Variants in TBC1D31 observed in about 807,000 individuals in gnomAD.
TBC1D31 encodes WD repeat domain 67.
TBC1D31 carries 99 observed loss-of-function variants against 132.9 expected under a neutral mutation model. The observed-to-expected ratio is 0.74, with a 90% CI of 0.63 to 0.88. TBC1D31 has a LOEUF of 0.88. TBC1D31 is among the 40% of genes least tolerant of loss of function. The pLI, the probability that TBC1D31 is intolerant of heterozygous loss-of-function variation, is 0.00. For synonymous variants in TBC1D31, 385 were observed against 419.4 expected (o/e 0.92, Z 1.00); for missense variants, 1,134 against 1,256.6 (o/e 0.90, Z 1.48).
Position 123,150,106 on chromosome 8 carries a change from T to G in TBC1D31, c.3045T>G (p.Ser1015=), listed in dbSNP as rs1259264453. The change falls in exon 21 of 22, where the codon TCT becomes TCG. Residue 1015 remains serine (S), a synonymous_variant. Transcript: ENST00000287380. Reference sequence around the variant, plus strand: ...GAACCTCACAATTAAATGACTCTTCTGAAATGGATCCCTCAACACAGAGTA... The same window carrying G: ...GAACCTCACAATTAAATGACTCTTCGGAAATGGATCCCTCAACACAGAGTA... ...LPRTSQLNDS[S]EMDPSTQISL... 1 of 1,613,456 alleles carries G rather than the reference T, an allele frequency of 6.2e-7. No individual in the cohort carries two copies. The highest frequency in any genetic ancestry group is 1.3e-5 in the African/African-American group (1 of 74,914).
chr8:123,102,543 C>G (rs1817543604), intron 7 of TBC1D31: 1 of 296,156 alleles, frequency 3.4e-6, no homozygotes, highest in Non-Finnish European at 6.6e-6. Context: ...AATTTCTTTT[C>G]TATGTGTGTA....
At chr8:123,137,347 AC>A (rs74711806) in intron 17 of TBC1D31, among the ~76,000 whole-genome samples, 1 of 152,200 alleles carries the variant, frequency 6.6e-6, no homozygotes, top group East Asian at 1.9e-4. Flanking sequence ...CCCCAAGACC[AC>A]CCTCAGGTTC....
intron 13 of TBC1D31, chr8:123,127,937 C>A: frequency 6.0e-6 from 1 of 165,496 alleles, no homozygotes; most frequent in Non-Finnish European, 1.3e-5. Context: ...TTTAAAGAAG[C>A]AAGCTAATTT....
chr8:123,161,210 G>A, the TBC1D31 span, among the ~76,000 whole-genome samples: 1 of 152,226 alleles, frequency 6.6e-6, no homozygotes, highest in Non-Finnish European at 1.5e-5. Context: ...GCAGCTCTAG[G>A]CCTGATGTGT....
the TBC1D31 span, among the ~76,000 whole-genome samples, chr8:123,163,791 G>A: frequency 6.6e-6 from 1 of 152,212 alleles, no homozygotes; most frequent in African/African-American, 2.4e-5. Flanking sequence ...ACCCGAAGGA[G>A]TGTACCCAAA....
intron 1 of TBC1D31, among the ~76,000 whole-genome samples, chr8:123,076,642 A>G (rs1255202192): frequency 6.6e-6 from 1 of 152,174 alleles, no homozygotes; most frequent in Admixed American, 6.5e-5. Context: ...CAGGGTATTC[A>G]TGGTAGATAC....
chr8:123,117,752 CAAAAAAAAAAAAA>C (rs71310657), intron 10 of TBC1D31, among the ~76,000 whole-genome samples: 12 of 89,934 alleles, frequency 1.3e-4, no homozygotes, highest in Non-Finnish European at 2.4e-4. Flanking sequence ...AACTCCGTCT[CAAAAAAAAAAAAA>C]AAAAAAAAAA....
intron 19 of TBC1D31, among the ~76,000 whole-genome samples, chr8:123,143,013 T>A (rs898514642): frequency 6.6e-6 from 1 of 152,188 alleles, no homozygotes; most frequent in Non-Finnish European, 1.5e-5. Context: ...GTATTGTGGC[T>A]CCAAGGTTAT....
intron 20 of TBC1D31, among the ~76,000 whole-genome samples, chr8:123,146,993 A>C (rs558574502): frequency 2.8e-4 from 42 of 152,186 alleles, no homozygotes; most frequent in African/African-American, 1.0e-3. Flanking sequence ...AAAACCACTC[A>C]TTACCGCTCA....
At chr8:123,152,570 G>A (rs971734285), downstream of TBC1D31, among the ~76,000 whole-genome samples, 14 of 152,214 alleles carry the variant, frequency 9.2e-5, no homozygotes, top group East Asian at 1.4e-3. Context: ...TTGATATGAC[G>A]ATTCAGTAAG....
intron 16 of TBC1D31, 140 bp from the exon 17 acceptor site, chr8:123,133,970 TTGTC>T (rs1288729796): frequency 3.7e-6 from 2 of 539,372 alleles, no homozygotes; most frequent in Non-Finnish European, 6.6e-6. Context: ...ATATTAATCT[TTGTC>T]TGTTACTCTG....
intron 4 of TBC1D31, among the ~76,000 whole-genome samples, chr8:123,084,645 CAGT>C (rs983115236): frequency 6.6e-6 from 1 of 152,158 alleles, no homozygotes; most frequent in African/African-American, 2.4e-5. Flanking sequence ...TTGAAACATG[CAGT>C]AGATTTGTGA....
chr8:123,078,360 C>T (rs1274410917), intron 2 of TBC1D31, among the ~76,000 whole-genome samples: 1 of 152,028 alleles, frequency 6.6e-6, no homozygotes, highest in African/African-American at 2.4e-5. Flanking sequence ...AGAATAAACC[C>T]CATGGTATTG....
At chr8:123,139,420 T>C (rs1240637099) in intron 17 of TBC1D31, among the ~76,000 whole-genome samples, 1 of 152,224 alleles carries the variant, frequency 6.6e-6, no homozygotes, top group Non-Finnish European at 1.5e-5. Context: ...CCCTATTCTT[T>C]GTTGTATATA....
At chr8:123,164,620 G>T in the TBC1D31 span, among the ~76,000 whole-genome samples, 1 of 152,230 alleles carries the variant, frequency 6.6e-6, no homozygotes, top group African/African-American at 2.4e-5. Flanking sequence ...TACTCAGGAG[G>T]CTGAGACAGG....
intron 10 of TBC1D31, among the ~76,000 whole-genome samples, chr8:123,111,431 A>G (rs111286977): frequency 0.011 from 1,673 of 152,252 alleles, 30 homozygotes; most frequent in African/African-American, 0.037. Context: ...AGAATAGTAA[A>G]CTTATTACCT....
intron 2 of TBC1D31, 105 bp from the exon 3 acceptor site, chr8:123,082,597 C>G: frequency 4.0e-6 from 3 of 745,494 alleles, no homozygotes; most frequent in African/African-American, 1.8e-5. Context: ...AAAATGGTAG[C>G]TCATTTTTCT....
At chr8:123,144,572 C>T in intron 19 of TBC1D31, 145 bp from the exon 20 acceptor site, 1 of 778,474 alleles carries the variant, frequency 1.3e-6, no homozygotes, top group South Asian at 2.1e-5. Context: ...ACAGGCACCC[C>T]AGTTACCATA....
chr8:123,111,920 C>T (rs1459020100), intron 10 of TBC1D31, among the ~76,000 whole-genome samples: 1 of 152,122 alleles, frequency 6.6e-6, no homozygotes, highest in South Asian at 2.1e-4. Context: ...ATGGCATAAT[C>T]ATAGCTAACT....
Sources: allele counts gnomAD v4.1 joint callset (sites outside exome capture counted in the v4.1 genomes callset), GRCh38; gene constraint gnomAD v4.1.1; transcripts MANE v1.5; gene names NCBI Gene and HGNC (gene_info 2026-07-23, HGNC 2026-07-21).